Variants in MIPEP observed in about 807,000 individuals in gnomAD.
MIPEP encodes mitochondrial intermediate peptidase.
MIPEP carries 79 observed loss-of-function variants against 90.3 expected under a neutral mutation model. That is an observed-to-expected ratio of 0.87 (90% confidence interval 0.73 to 1.05). MIPEP has a LOEUF of 1.05. Among genes scored for constraint, MIPEP ranks in the 50% least tolerant of loss-of-function variants. The probability of loss-of-function intolerance (pLI) is 0.00; values close to 1 mark genes in which losing one functional copy is unlikely to be tolerated. For synonymous variants in MIPEP, 334 were observed against 315.8 expected (o/e 1.06, Z -0.61); for missense variants, 940 against 905.6 (o/e 1.04, Z -0.49).
chr13:23,796,098 C>T (rs1360621587), intron 16 of MIPEP, among the ~76,000 whole-genome samples: 2 of 151,986 alleles, frequency 1.3e-5, no homozygotes, highest in East Asian at 3.9e-4. Context: ...CATGTATGCT[C>T]TATATATCGA....
At chr13:23,765,005 G>C (rs955959701) in intron 16 of MIPEP, among the ~76,000 whole-genome samples, 4 of 152,192 alleles carry the variant, frequency 2.6e-5, no homozygotes, top group African/African-American at 9.7e-5. Flanking sequence ...CTTATATGTG[G>C]ATTTCTTTCA....
intron 16 of MIPEP, among the ~76,000 whole-genome samples, chr13:23,778,823 T>C (rs1952745340): frequency 6.6e-6 from 1 of 152,202 alleles, no homozygotes; most frequent in Non-Finnish European, 1.5e-5. Context: ...GTGATTTAGA[T>C]ATCACCATCT....
intron 18 of MIPEP, among the ~76,000 whole-genome samples, chr13:23,752,359 A>T (rs1168663152): frequency 1.3e-5 from 2 of 152,208 alleles, no homozygotes; most frequent in Non-Finnish European, 2.9e-5. Flanking sequence ...TTGCTGTAGT[A>T]AGAAACAATT....
chr13:23,805,209 G>C (rs1565999700), intron 16 of MIPEP, among the ~76,000 whole-genome samples: 1 of 152,124 alleles, frequency 6.6e-6, no homozygotes, highest in Non-Finnish European at 1.5e-5. Flanking sequence ...ATTGCTAACT[G>C]CACCAAGAAT....
chr13:23,836,335 T>A lies in MIPEP; in HGVS notation c.1558A>T (p.Thr520Ser). Residue 520 changes from threonine to serine, a missense_variant, in exon 14 of 19, where the codon ACT becomes TCT. Transcript: ENST00000382172. ...ATAGAAGGAACCTCAGCAAAATCAGTAGGGCACCTGGTCCCTAAAACAAGA... is the reference window on the plus strand; with the variant it reads ...ATAGAAGGAACCTCAGCAAAATCAGAAGGGCACCTGGTCCCTAAAACAAGA... ...YQHVTGTRCP[T>S]DFAEVPSILM... The A allele has an allele frequency of 6.3e-7, 1 of 1,584,480 alleles. No homozygotes were observed. Among genetic ancestry groups the A allele is most frequent in the South Asian group, 1.2e-5 (1 of 83,592 alleles).
At chr13:23,799,107 G>GA (rs1953003045) in intron 16 of MIPEP, among the ~76,000 whole-genome samples, 1 of 136,260 alleles carries the variant, frequency 7.3e-6, no homozygotes, top group Non-Finnish European at 1.5e-5. Context: ...AGGTTCAAAC[G>GA]ATTCTCCTGC....
intron 16 of MIPEP, among the ~76,000 whole-genome samples, chr13:23,779,879 T>C (rs752477862): frequency 6.6e-6 from 1 of 152,184 alleles, no homozygotes; most frequent in East Asian, 1.9e-4. Context: ...CAGTCTGAGA[T>C]TGATCTGCAA....
chr13:23,886,832 A>AAT (rs3077102), intron 1 of MIPEP, among the ~76,000 whole-genome samples: 9,180 of 149,494 alleles, frequency 0.061, 743 homozygotes, highest in African/African-American at 0.19. Context: ...CATATATGTA[A>AAT]ATATATATAT....
intron 2 of MIPEP, among the ~76,000 whole-genome samples, chr13:23,885,156 T>C (rs1871422845): frequency 6.6e-6 from 1 of 152,208 alleles, no homozygotes; most frequent in South Asian, 2.1e-4. Flanking sequence ...TTCAACAACA[T>C]GGATGGTCAT....
chr13:23,755,793 T>C (rs1325038276), intron 18 of MIPEP, among the ~76,000 whole-genome samples: 1 of 152,134 alleles, frequency 6.6e-6, no homozygotes. Flanking sequence ...ACCTTAAAGA[T>C]ATTAAGTTCT....
At chr13:23,736,297 C>T (rs11620476) in intron 18 of MIPEP, among the ~76,000 whole-genome samples, 29,383 of 152,136 alleles carry the variant, frequency 0.19, 3,779 homozygotes, top group Middle Eastern at 0.29. Flanking sequence ...TCAGGACACA[C>T]ATTGCAAATA....
chr13:23,781,581 C>G lies in MIPEP; in HGVS notation c.1849-21364G>C, dbSNP rs1487251390. On this transcript the variant is annotated intron_variant, in intron 16 of 18. Transcript: ENST00000382172. The stretch of plus-strand genomic sequence containing the variant: ...AAATAACCAGCTAACATCATAATGA[C>G]AGGATCAAATTCACACATAATAATA... Among the ~76,000 whole-genome samples the G allele has an allele frequency of 4.6e-5, 7 of 152,308 alleles. No individual in the cohort carries two copies. In the East Asian group the frequency reaches 1.4e-3, roughly 29 times the overall value.
chr13:23,872,426 A>C (rs991019519), intron 5 of MIPEP, among the ~76,000 whole-genome samples: 6 of 152,186 alleles, frequency 3.9e-5, no homozygotes, highest in Admixed American at 3.3e-4. Flanking sequence ...GCCCAATTGC[A>C]CTCCAGCCTG....
intron 9 of MIPEP, among the ~76,000 whole-genome samples, chr13:23,860,244 A>C (rs1870230131): frequency 1.3e-5 from 2 of 152,244 alleles, no homozygotes; most frequent in Non-Finnish European, 2.9e-5. Context: ...GCAAAGCCTG[A>C]ATTGAGTTTT....
At chr13:23,830,832 G>A (rs34735263) in intron 14 of MIPEP, among the ~76,000 whole-genome samples, 32,519 of 152,126 alleles carry the variant, frequency 0.21, 4,154 homozygotes, top group East Asian at 0.45. Context: ...CACCCCTCAG[G>A]ATGGTTTCTA....
intron 3 of MIPEP, among the ~76,000 whole-genome samples, chr13:23,880,338 C>A (rs1871225616): frequency 6.6e-6 from 1 of 152,198 alleles, no homozygotes; most frequent in Non-Finnish European, 1.5e-5. Context: ...TACCTCCTCC[C>A]AACCTGCTCA....
chr13:23,796,201 T>C (rs541735848), intron 16 of MIPEP, among the ~76,000 whole-genome samples: 1 of 152,216 alleles, frequency 6.6e-6, no homozygotes, highest in Non-Finnish European at 1.5e-5. Context: ...GGCGGATAAC[T>C]TGAGGCCAGG....
chr13:23,858,814 G>A, intron 10 of MIPEP, 46 bp downstream of exon 10: 1 of 1,550,522 alleles, frequency 6.4e-7, no homozygotes, highest in Non-Finnish European at 8.9e-7. Flanking sequence ...ATAAACATTA[G>A]TTTCCTTTTT....
In MIPEP at chr13:23,886,333, C is replaced by A. The variant is rs756840602; in HGVS notation, c.363G>T (p.Leu121Phe). ...LSDSLCRVAD[L>F]ADFVKIAHPE... Reference sequence around the variant, plus strand: ...TCAAGTCTGAGGTAAAGCACCTTACCAAGTCGGCCACTCTGCATAAGGAAT... The same window carrying A: ...TCAAGTCTGAGGTAAAGCACCTTACAAAGTCGGCCACTCTGCATAAGGAAT... The change falls in exon 2 of 19, where the codon TTG becomes TTT. Residue 121 changes from leucine (L) to phenylalanine (F), a missense_variant and splice_region_variant. Physicochemically the swap from Leu to Phe is conservative, Grantham distance 22. Transcript: ENST00000382172. 2.6e-6 allele frequency: 4 copies of A among 1,520,050 alleles called. No individual in the cohort carries two copies. In the Admixed American group the frequency reaches 6.1e-5, roughly 23 times the overall value. 94.2% of individuals were successfully genotyped at this position (1,520,050 alleles called of 1,614,324 possible).
Sources: gnomAD v4.1 joint callset for allele counts (sites outside exome capture counted in the v4.1 genomes callset) on GRCh38, gnomAD v4.1.1 for gene constraint, MANE v1.5 for transcripts, NCBI Gene and HGNC (gene_info 2026-07-23, HGNC 2026-07-21) for gene names.